Variants in SETMAR observed in about 807,000 individuals in gnomAD.
SETMAR encodes SET and mariner transposase domain methyltransferase, also known as histone-lysine N-methyltransferase SETMAR.
In SETMAR, 44 loss-of-function variants were observed where a neutral mutation model predicts 58.4. The ratio of observed to expected loss-of-function variants is 0.75; its 90% CI spans 0.59 to 0.97. The LOEUF (loss-of-function observed/expected upper bound fraction) is 0.97, where lower values mean the gene tolerates loss of function less well. SETMAR is among the 50% of genes least tolerant of loss of function. The pLI is 0.00. For missense variants in SETMAR, 903 were observed against 840.2 expected, an observed-to-expected ratio of 1.07 and a Z score of -0.92; for synonymous variants, 332 against 307.4, an observed-to-expected ratio of 1.08 and a Z score of -0.84.
At position 4,307,702 on chromosome 3, in the gene SETMAR, C is replaced by T. The variant is rs536711760; in HGVS notation, c.156+4176C>T. 3.9e-5 allele frequency among the ~76,000 whole-genome samples: 6 copies of T among 152,082 alleles called. No individual in the cohort carries two copies. The South Asian group carries it at 1.0e-3, about 26-fold the overall frequency. On this transcript the variant is annotated intron_variant, in intron 1 of 2. Coordinates refer to ENST00000358065, the MANE Select transcript of SETMAR (RefSeq NM_006515.4). ...GAGTAATTCTGTGCTTTGATACATA[C>T]GAAGAAAAAGTAAAACTTACATTGT...
At position 4,313,131 on chromosome 3, in the gene SETMAR, C is replaced by CA. The variant is rs1235904512; in HGVS notation, c.391dup (p.Arg131LysfsTer18). On this transcript the variant is annotated frameshift_variant, in exon 2 of 3. Transcript: ENST00000358065. LOFTEE classifies it high-confidence loss of function. ...GCCGATGCAGTGACCACTGCAGAAA[C>CA]AGAGTGGTCCAGAAAGGTCTACAGT... The CA allele has an allele frequency of 6.2e-7, 1 of 1,613,960 alleles. No homozygotes were observed. The highest frequency in any genetic ancestry group is 8.5e-7 in the Non-Finnish European group (1 of 1,179,906).
chr3:4,314,369 CA>C (rs201005579), intron 2 of SETMAR: 8,244 of 152,846 alleles, frequency 0.054, 357 homozygotes, highest in Admixed American at 0.11. Flanking sequence ...CCAATTTTAA[CA>C]GTAATAAAGC....
rs757683573 is a variant in SETMAR at position 4,303,419 on chromosome 3, T to C, written c.49T>C (p.Phe17Leu). 7.1e-6 allele frequency: 11 copies of C among 1,554,178 alleles called. No homozygotes were observed. The highest frequency in any genetic ancestry group is 9.5e-6 in the Non-Finnish European group (11 of 1,155,608). ...KTTRPCGMAE[F>L]KEKPEAPTEQ... ...GACACGGCCTTGTGGGATGGCGGAG[T>C]TTAAGGAGAAGCCTGAGGCCCCGAC... Residue 17 changes from phenylalanine to leucine, a missense_variant, in exon 1 of 3, where the codon TTT becomes CTT. Coordinates refer to ENST00000358065, the MANE Select transcript of SETMAR (RefSeq NM_006515.4).
chr3:4,311,381 A>G lies in SETMAR; in HGVS notation c.157-1517A>G, dbSNP rs537507217. Reference sequence around the variant, plus strand: ...CATTCCTTCAGGTGCTTTAAAATCTATCCCCAATGAAAGGCCGTGCAACTG... The same window carrying G: ...CATTCCTTCAGGTGCTTTAAAATCTGTCCCCAATGAAAGGCCGTGCAACTG... On this transcript the variant is annotated intron_variant, in intron 1 of 2. Transcript: ENST00000358065. Among the ~76,000 whole-genome samples, 27 of 152,300 alleles carry G rather than the reference A, an allele frequency of 1.8e-4. 2 individuals are homozygous for G. In the South Asian group the frequency reaches 5.6e-3, roughly 32 times the overall value.
intron 2 of SETMAR, among the ~76,000 whole-genome samples, chr3:4,315,403 A>T (rs1031647619): frequency 6.6e-6 from 1 of 152,176 alleles, no homozygotes; most frequent in Non-Finnish European, 1.5e-5. Flanking sequence ...CAGCAGAGAT[A>T]TTCCCAGAGG....
chr3:4,309,859 A>C (rs1698335069), intron 1 of SETMAR, among the ~76,000 whole-genome samples: 1 of 152,246 alleles, frequency 6.6e-6, no homozygotes, highest in Non-Finnish European at 1.5e-5. Flanking sequence ...CTTCAGATAC[A>C]GTTATTATTT....
In SETMAR at chr3:4,316,313, T is replaced by C. The variant is rs1417960266; in HGVS notation, c.1122T>C (p.Asn374=). The C allele has an allele frequency of 1.7e-6, 2 of 1,164,302 alleles. No individual in the cohort carries two copies. Among genetic ancestry groups the C allele is most frequent in the Non-Finnish European group, 2.5e-6 (2 of 806,082 alleles). 72.1% of individuals were successfully genotyped at this position (1,164,302 alleles called of 1,614,324 possible). A position where few individuals can be genotyped will look rare whatever the true frequency, so the allele number is the denominator to read the frequency against. Residue 374 remains asparagine (N), a synonymous_variant, in exon 3 of 3, where the codon AAT becomes AAC. Transcript: ENST00000358065. ...CAGAAACAACTCGCAACATCAACAA[T>C]GCATTTGGCCCAGGAACTGCTAACG... ...KAAETTRNIN[N]AFGPGTANER...
intron 2 of SETMAR, among the ~76,000 whole-genome samples, chr3:4,315,969 C>T (rs1698621718): frequency 6.6e-6 from 1 of 150,408 alleles, no homozygotes; most frequent in South Asian, 2.1e-4. Context: ...ATCACTTGAG[C>T]CCAGGAGGCA....
chr3:4,303,790 G>T, intron 1 of SETMAR: 1 of 1,420,262 alleles, frequency 7.0e-7, no homozygotes, highest in South Asian at 1.2e-5. Context: ...CTGGCTTTTT[G>T]TCCAGTCCTG....
In SETMAR at chr3:4,303,910, G is replaced by A. The variant is rs563141397; in HGVS notation, c.156+384G>A. On this transcript the variant is annotated intron_variant, in intron 1 of 2. Transcript: ENST00000358065. ...GGCCTATTAATGGATCGCAGCCGGTGTCGTGCATAAAAACAGCCCCTCGAG... is the reference window on the plus strand; with the variant it reads ...GGCCTATTAATGGATCGCAGCCGGTATCGTGCATAAAAACAGCCCCTCGAG... The A allele has an allele frequency of 5.0e-5, 61 of 1,221,844 alleles. 1 individual carries two copies. The South Asian group carries it at 5.7e-4, about 11-fold the overall frequency. The allele number at this position is 1,221,844 out of a possible 1,614,324, so 75.7% of individuals were successfully genotyped here.
chr3:4,313,385 T>C lies in SETMAR; in HGVS notation c.644T>C (p.Ile215Thr), dbSNP rs748650391. The C allele has an allele frequency of 1.2e-6, 2 of 1,613,942 alleles. No individual in the cohort carries two copies. The highest frequency in any genetic ancestry group is 2.2e-5 in the East Asian group (1 of 44,876). The change falls in exon 2 of 3, where the codon ATA (isoleucine) becomes ACA (threonine). Residue 215 changes from isoleucine to threonine, a missense_variant. By Grantham distance (89) the Ile-to-Thr change is moderately conservative. Coordinates refer to ENST00000358065, the MANE Select transcript of SETMAR (RefSeq NM_006515.4). ...GAAACATTTGTTGACCCTACTTATA[T>C]AGGAAATATTGGAAGATTCCTTAAT... ...VMETFVDPTY[I>T]GNIGRFLNHS...
chr3:4,308,937 C>G (rs181875278), intron 1 of SETMAR, among the ~76,000 whole-genome samples: 162 of 152,254 alleles, frequency 1.1e-3, no homozygotes, highest in South Asian at 2.3e-3. Context: ...GAACATGTAT[C>G]CGAAGTGGTT....
chr3:4,308,100 G>C (rs1481471029), intron 1 of SETMAR, among the ~76,000 whole-genome samples: 2 of 152,018 alleles, frequency 1.3e-5, no homozygotes, highest in African/African-American at 4.8e-5. Flanking sequence ...TGTGCATATT[G>C]CAGACAGTAA....
chr3:4,313,554 C>T lies in SETMAR; in HGVS notation c.813C>T (p.Val271=). 2 of 1,613,978 alleles carry T rather than the reference C, an allele frequency of 1.2e-6. No individual in the cohort carries two copies. The highest frequency in any genetic ancestry group is 1.7e-6 in the Non-Finnish European group (2 of 1,179,930). The part of the protein sequence containing the change: ...DYSGRYLNLT[V]SEDKERLDHG... ...CAGGAAGATATCTTAATCTAACAGTCAGTGAAGACAAAGAAAGGCTAGATC... is the reference window on the plus strand; with the variant it reads ...CAGGAAGATATCTTAATCTAACAGTTAGTGAAGACAAAGAAAGGCTAGATC... Residue 271 remains valine, a synonymous_variant, in exon 2 of 3, where the codon GTC becomes GTT. Transcript: ENST00000358065.
chr3:4,304,849 C>T (rs1379821974), intron 1 of SETMAR, among the ~76,000 whole-genome samples: 1 of 151,968 alleles, frequency 6.6e-6, no homozygotes, highest in Non-Finnish European at 1.5e-5. Flanking sequence ...ATGCTGAGAA[C>T]ATGTGTCCCA....
rs1359761233 is a variant in SETMAR at position 4,303,511 on chromosome 3, G to C, written c.141G>C (p.Ala47=). 2 of 1,439,548 alleles carry C rather than the reference G, an allele frequency of 1.4e-6. No individual in the cohort carries two copies. The highest frequency in any genetic ancestry group is 1.8e-6 in the Non-Finnish European group (2 of 1,101,858). 89.2% of individuals were successfully genotyped at this position (1,439,548 alleles called of 1,614,324 possible). ...LPVGAWPPGA[A]PAPFQYTPDH... ...TGGGCGCGTGGCCCCCGGGGGCCGC[G>C]CCGGCGCCCTTCCAGGTAGGGGCGG... The change falls in exon 1 of 3, where the codon GCG becomes GCC. Residue 47 remains alanine (A), a synonymous_variant. Coordinates refer to ENST00000358065, the MANE Select transcript of SETMAR (RefSeq NM_006515.4).
At chr3:4,314,443 G>A (rs1298614270) in intron 2 of SETMAR, 1 of 152,194 alleles carries the variant, frequency 6.6e-6, no homozygotes, top group African/African-American at 2.4e-5. Context: ...ATGGATCAAG[G>A]AAAAAGGCAT....
At chr3:4,305,526 A>G (rs77278844) in intron 1 of SETMAR, among the ~76,000 whole-genome samples, 1,718 of 152,318 alleles carry the variant, frequency 0.011, 21 homozygotes, top group African/African-American at 0.038. Context: ...AAGAAAGAAA[A>G]AGAGGGGGAA....
chr3:4,303,831 G>T, intron 1 of SETMAR: 1 of 1,356,742 alleles, frequency 7.4e-7, no homozygotes, highest in Non-Finnish European at 9.8e-7. Context: ...ATCACGGGGG[G>T]AGTCATTTAC....
Sources: allele counts gnomAD v4.1 joint callset (sites outside exome capture counted in the v4.1 genomes callset), GRCh38; gene constraint gnomAD v4.1.1; transcripts MANE v1.5; gene names NCBI Gene and HGNC (gene_info 2026-07-23, HGNC 2026-07-21).